SNTB2: variants seen among roughly 807,000 people sequenced by gnomAD.
SNTB2 encodes the protein beta-2-syntrophin.
SNTB2 carries 34 observed loss-of-function variants against 46.2 expected under a neutral mutation model. The observed-to-expected ratio is 0.74, with a 90% CI of 0.56 to 0.98. The LOEUF (loss-of-function observed/expected upper bound fraction) is 0.98, where lower values mean the gene tolerates loss of function less well. Among genes scored for constraint, SNTB2 ranks in the 50% least tolerant of loss-of-function variants. The probability of loss-of-function intolerance (pLI) is 0.00; values close to 1 mark genes in which losing one functional copy is unlikely to be tolerated. For missense variants in SNTB2, 603 were observed against 731.4 expected (o/e 0.82, Z 2.02); for synonymous variants, 290 against 312.6 (o/e 0.93, Z 0.76).
intron 5 of SNTB2, among the ~76,000 whole-genome samples, chr16:69,298,339 G>T (rs1965246412): frequency 6.6e-6 from 1 of 151,952 alleles, no homozygotes; most frequent in Admixed American, 6.6e-5. Flanking sequence ...TGTGACTTTT[G>T]CTGAGTATAG....
At chr16:69,268,289 C>T (rs561315837) in intron 3 of SNTB2, among the ~76,000 whole-genome samples, 58 of 152,110 alleles carry the variant, frequency 3.8e-4, no homozygotes, top group African/African-American at 1.1e-3. Flanking sequence ...CATGGTGAAA[C>T]GCTGTCTTTA....
intron 1 of SNTB2, among the ~76,000 whole-genome samples, chr16:69,221,393 A>G (rs1445964636): frequency 6.6e-6 from 1 of 152,170 alleles, no homozygotes; most frequent in Admixed American, 6.5e-5. Context: ...TGAGTTTTAT[A>G]GGTACTGTTT....
At chr16:69,253,446 G>A (rs561515621) in intron 2 of SNTB2, among the ~76,000 whole-genome samples, 110 of 151,512 alleles carry the variant, frequency 7.3e-4, no homozygotes, top group Non-Finnish European at 1.2e-3. Flanking sequence ...TCAGGAGATC[G>A]AGACCATCCT....
intron 1 of SNTB2, among the ~76,000 whole-genome samples, chr16:69,232,502 CTTTTTTTTTTTTTTT>C (rs1032986410): frequency 1.3e-4 from 8 of 63,860 alleles, no homozygotes; most frequent in African/African-American, 2.9e-4. Context: ...ACGGTGCGGC[CTTTTTTTTTTTTTTT>C]TTTTTTTTTT....
rs765951471 is a variant in SNTB2, at chr16:69,299,794, A to G, written c.1530+20A>G. 10 of 1,609,778 alleles carry G rather than the reference A, an allele frequency of 6.2e-6. No individual in the cohort carries two copies. The South Asian group carries it at 1.1e-4, about 18-fold the overall frequency. On this transcript the variant is annotated intron_variant, in intron 6 of 6. Coordinates refer to ENST00000336278, the MANE Select transcript of SNTB2 (RefSeq NM_006750.4). ...GAACTGGTAAGAGTGTTTCTGAAACACATGTTTATCTAATAGATGTTCTCT... is the reference window on the plus strand; with the variant it reads ...GAACTGGTAAGAGTGTTTCTGAAACGCATGTTTATCTAATAGATGTTCTCT...
At chr16:69,247,184 A>G (rs1964679142) in intron 2 of SNTB2, among the ~76,000 whole-genome samples, 1 of 151,944 alleles carries the variant, frequency 6.6e-6, no homozygotes, top group African/African-American at 2.4e-5. Context: ...TTCTGGCTGA[A>G]TCAACCAGCA....
At chr16:69,280,742 C>T (rs571980548) in intron 4 of SNTB2, among the ~76,000 whole-genome samples, 2 of 151,996 alleles carry the variant, frequency 1.3e-5, no homozygotes, top group African/African-American at 4.8e-5. Context: ...GGATACCAGT[C>T]CTGTATCAGA....
Position 69,292,398 on chromosome 16 carries a change from ATATATATAT to A in SNTB2, c.1346-7182_1346-7174del, listed in dbSNP as rs1567416435. Among the ~76,000 whole-genome samples, 33 of 29,818 alleles carry A rather than the reference ATATATATAT, an allele frequency of 1.1e-3. 5 individuals carry two copies. Among genetic ancestry groups the A allele is most frequent in the African/African-American group, 6.6e-3 (19 of 2,878 alleles). The allele number at this position is 29,818 out of a possible 152,430, so 19.6% of individuals were successfully genotyped here. A position where few individuals can be genotyped will look rare whatever the true frequency, so the allele number is the denominator to read the frequency against. On this transcript the variant is annotated intron_variant, in intron 5 of 6. Transcript: ENST00000336278. ...TATATATTATATATATATTATATAT[ATATATATAT>A]TATATATATATTATATATATATATA...
intron 4 of SNTB2, 30 bp downstream of exon 4, chr16:69,270,315 ATATT>A (rs778468239): frequency 2.9e-5 from 46 of 1,612,520 alleles, no homozygotes; most frequent in Non-Finnish European, 3.8e-5. Context: ...AGGAAGTAAA[ATATT>A]TATCCTACTC....
intron 1 of SNTB2, among the ~76,000 whole-genome samples, chr16:69,220,610 C>A (rs1234890161): frequency 6.6e-6 from 1 of 151,988 alleles, no homozygotes; most frequent in African/African-American, 2.4e-5. Context: ...TCATTGCAGC[C>A]TTGAACTCCT....
chr16:69,226,514 G>A (rs1455514140), intron 1 of SNTB2, among the ~76,000 whole-genome samples: 4 of 152,004 alleles, frequency 2.6e-5, no homozygotes, highest in Non-Finnish European at 4.4e-5. Flanking sequence ...GGCTCCTTAT[G>A]ATAGATAAGA....
In SNTB2 at chr16:69,301,181, G is replaced by C. The variant is rs1477879664; in HGVS notation, c.*257G>C. ...TCTCATTTCAAAATATGGTTTATGA[G>C]TAATTAGGTTTATTTCTACTGCTAA... On this transcript the variant is annotated 3_prime_UTR_variant, in exon 7 of 7. Coordinates refer to ENST00000336278, the MANE Select transcript of SNTB2 (RefSeq NM_006750.4). The C allele has an allele frequency of 2.9e-6, 1 of 339,002 alleles. No homozygotes were observed. The highest frequency in any genetic ancestry group is 5.5e-6 in the Non-Finnish European group (1 of 182,920). The allele number at this position is 339,002 out of a possible 1,614,324, so 21.0% of individuals were successfully genotyped here.
chr16:69,223,685 G>C (rs1016496037), intron 1 of SNTB2, among the ~76,000 whole-genome samples: 5 of 151,850 alleles, frequency 3.3e-5, no homozygotes, highest in Non-Finnish European at 7.4e-5. Context: ...CTGGAGTGCA[G>C]TGGCCCAATC....
intron 1 of SNTB2, among the ~76,000 whole-genome samples, chr16:69,227,141 A>G (rs934105683): frequency 2.6e-5 from 4 of 152,206 alleles, no homozygotes; most frequent in Non-Finnish European, 4.4e-5. Flanking sequence ...ATTTAACTGA[A>G]TTGTGTTACT....
intron 2 of SNTB2, among the ~76,000 whole-genome samples, chr16:69,249,535 C>T (rs1249624633): frequency 2.0e-5 from 3 of 152,154 alleles, no homozygotes; most frequent in African/African-American, 7.2e-5. Context: ...TAACCTTGGT[C>T]TTTGTTAAAA....
At chr16:69,218,845 A>G (rs1964373636) in intron 1 of SNTB2, among the ~76,000 whole-genome samples, 1 of 152,240 alleles carries the variant, frequency 6.6e-6, no homozygotes, top group South Asian at 2.1e-4. Context: ...TGTTTATCTC[A>G]TGATTGCAAC....
chr16:69,242,918 G>A (rs1218205204), intron 1 of SNTB2, among the ~76,000 whole-genome samples: 1 of 151,892 alleles, frequency 6.6e-6, no homozygotes, highest in African/African-American at 2.4e-5. Flanking sequence ...TTACTGGGGA[G>A]GCTAAGGCAG....
intron 1 of SNTB2, among the ~76,000 whole-genome samples, chr16:69,214,680 C>T (rs1964329014): frequency 6.6e-6 from 1 of 150,596 alleles, no homozygotes; most frequent in South Asian, 2.1e-4. Flanking sequence ...GCGCCTGCCA[C>T]CACGCCTGGC....
chr16:69,304,947 T>C lies in SNTB2; in HGVS notation c.*4023T>C, dbSNP rs1193698808. On this transcript the variant is annotated 3_prime_UTR_variant, in exon 7 of 7. Coordinates refer to ENST00000336278, the MANE Select transcript of SNTB2 (RefSeq NM_006750.4). ...CCTCCCAAAGTGCTGGGATTACAGA[T>C]GTGAGCCACTGCACCTGGCCCCAGA... 3 of 151,508 alleles carry C rather than the reference T, an allele frequency of 2.0e-5. No individual in the cohort carries two copies. Among genetic ancestry groups the C allele is most frequent in the African/African-American group, 7.3e-5 (3 of 41,178 alleles). The allele number at this position is 151,508 out of a possible 1,614,324, so 9.4% of individuals were successfully genotyped here.
Sources: allele counts gnomAD v4.1 joint callset (sites outside exome capture counted in the v4.1 genomes callset), GRCh38; gene constraint gnomAD v4.1.1; transcripts MANE v1.5; gene names NCBI Gene and HGNC (gene_info 2026-07-23, HGNC 2026-07-21).